Variants in EPS15L1 observed in about 807,000 individuals in gnomAD.
The protein encoded by EPS15L1 is epidermal growth factor receptor substrate 15-like 1.
In EPS15L1, 43 loss-of-function variants were observed where a neutral mutation model predicts 117.1. The observed-to-expected ratio is 0.37, with a 90% CI of 0.29 to 0.47. The LOEUF is 0.47. Among genes scored for constraint, EPS15L1 ranks in the 20% least tolerant of loss-of-function variants. The pLI, the probability that EPS15L1 is intolerant of heterozygous loss-of-function variation, is 0.99. For missense variants in EPS15L1, 981 were observed against 1,164.0 expected, an observed-to-expected ratio of 0.84 and a Z score of 2.29; for synonymous variants, 459 against 470.5, an observed-to-expected ratio of 0.98 and a Z score of 0.32.
At chr19:16,356,917 G>A (rs2091987083) in intron 23 of EPS15L1, 1 of 152,150 alleles carries the variant, frequency 6.6e-6, no homozygotes, top group Non-Finnish European at 1.5e-5. Context: ...GGGATTCAAA[G>A]GATTCCCTTA....
At chr19:16,362,958 G>C (rs978417077) in intron 22 of EPS15L1, among the ~76,000 whole-genome samples, 13 of 152,176 alleles carry the variant, frequency 8.5e-5, no homozygotes, top group Admixed American at 4.6e-4. Flanking sequence ...GGAGGTGAGA[G>C]AGAAGTGTTC....
chr19:16,413,768 C>A lies in EPS15L1; in HGVS notation c.1266+5G>T, dbSNP rs567668761. The A allele has an allele frequency of 3.0e-4, 487 of 1,613,236 alleles. 3 individuals carry two copies. In the South Asian group the frequency reaches 4.8e-3, roughly 16 times the overall value. ...AGATGTAACCAAAACGAACGAGACC[C>A]TTACCTGCACCTCGCTGGTTTTCTG... On this transcript the variant is annotated splice_donor_5th_base_variant and intron_variant, in intron 13 of 23. Coordinates refer to ENST00000455140, the MANE Select transcript of EPS15L1 (RefSeq NM_001258374.3).
chr19:16,364,123 A>G (rs2092099258), intron 22 of EPS15L1, among the ~76,000 whole-genome samples: 1 of 152,222 alleles, frequency 6.6e-6, no homozygotes, highest in Admixed American at 6.5e-5. Flanking sequence ...CCTGGGCTCT[A>G]TTAGGACTCA....
intron 8 of EPS15L1, among the ~76,000 whole-genome samples, chr19:16,426,128 T>C (rs1047369874): frequency 2.0e-5 from 3 of 152,148 alleles, no homozygotes; most frequent in Non-Finnish European, 2.9e-5. Context: ...ACCCACAACC[T>C]TGACCCACCT....
intron 22 of EPS15L1, among the ~76,000 whole-genome samples, chr19:16,366,800 G>C (rs1484393330): frequency 1.3e-5 from 2 of 152,156 alleles, no homozygotes; most frequent in Non-Finnish European, 2.9e-5. Flanking sequence ...CGGCATCACT[G>C]TAGGGCCACG....
intron 7 of EPS15L1, among the ~76,000 whole-genome samples, chr19:16,429,402 G>A (rs116875885): frequency 6.6e-6 from 1 of 152,216 alleles, no homozygotes. Context: ...ACGCTGGGCA[G>A]GCTGCCAGTC....
rs554718731 is a variant in EPS15L1, at chr19:16,392,553, C to T, written c.1967-113G>A. 1.0e-5 allele frequency: 11 copies of T among 1,060,016 alleles called. No individual in the cohort carries two copies. In the South Asian group the frequency reaches 1.1e-4, roughly 10 times the overall value. The allele number at this position is 1,060,016 out of a possible 1,614,324, so 65.7% of individuals were successfully genotyped here. A position where few individuals can be genotyped will look rare whatever the true frequency, so the allele number is the denominator to read the frequency against. On this transcript the variant is annotated intron_variant, in intron 18 of 23. Coordinates refer to ENST00000455140, the MANE Select transcript of EPS15L1 (RefSeq NM_001258374.3). Reference sequence around the variant, plus strand: ...ACATGAAATTCTAGAAAGGTAAGAACGCTAGTGACGGAAAACAGGATAATG... The same window carrying T: ...ACATGAAATTCTAGAAAGGTAAGAATGCTAGTGACGGAAAACAGGATAATG...
chr19:16,431,264 T>C (rs1379237832), intron 7 of EPS15L1, among the ~76,000 whole-genome samples: 1 of 150,158 alleles, frequency 6.7e-6, no homozygotes, highest in Non-Finnish European at 1.5e-5. Flanking sequence ...TTTTAATAAA[T>C]AAATAAATAA....
chr19:16,372,148 C>T (rs1193655314), intron 22 of EPS15L1, among the ~76,000 whole-genome samples: 1 of 152,170 alleles, frequency 6.6e-6, no homozygotes, highest in Admixed American at 6.5e-5. Flanking sequence ...TAGATGGAGA[C>T]AGAACTGAGT....
At position 16,361,748 on chromosome 19, in the gene EPS15L1, G is replaced by C. The variant is rs1296392322; in HGVS notation, c.2586+31C>G. ...GGGAAGCTGCAAGCGGAAGGGAGTG[G>C]GGTGGCCCGGAGGCGGAGGACTCAA... is the stretch of plus-strand genomic sequence containing the variant. On this transcript the variant is annotated intron_variant, in intron 23 of 23. Transcript: ENST00000455140. 4 of 1,597,452 alleles carry C rather than the reference G, an allele frequency of 2.5e-6. No homozygotes were observed. The South Asian group carries it at 4.5e-5, about 18-fold the overall frequency.
intron 21 of EPS15L1, among the ~76,000 whole-genome samples, chr19:16,380,524 T>C (rs140569601): frequency 1.9e-3 from 283 of 152,040 alleles, no homozygotes; most frequent in African/African-American, 6.2e-3. Context: ...CACGCAGCCA[T>C]CTAAGGCTCT....
intron 6 of EPS15L1, 60 bp from the exon 7 acceptor site, chr19:16,434,550 C>T (rs373332509): frequency 5.6e-5 from 87 of 1,559,798 alleles, no homozygotes; most frequent in East Asian, 2.0e-4. Flanking sequence ...ATGTCCAGAC[C>T]GAGCTCTGAC....
intron 17 of EPS15L1, among the ~76,000 whole-genome samples, chr19:16,395,048 C>G (rs2092524864): frequency 6.6e-6 from 1 of 151,892 alleles, no homozygotes; most frequent in Admixed American, 6.6e-5. Context: ...AGTGAAACCC[C>G]AACTCTACTA....
chr19:16,408,136 A>G (rs1422318946), intron 13 of EPS15L1, among the ~76,000 whole-genome samples: 1 of 152,108 alleles, frequency 6.6e-6, no homozygotes, highest in Non-Finnish European at 1.5e-5. Context: ...AACTGAAGGA[A>G]CCTGGACCTC....
At chr19:16,417,731 T>A in intron 11 of EPS15L1, 94 bp from the exon 12 acceptor site, 1 of 1,231,766 alleles carries the variant, frequency 8.1e-7, no homozygotes, top group Non-Finnish European at 1.2e-6. Flanking sequence ...GATAAAATTG[T>A]CCCTTTAGTA....
intron 16 of EPS15L1, chr19:16,401,160 CACGAGAA>C (rs765610984): frequency 1.0e-4 from 101 of 985,186 alleles, no homozygotes; most frequent in Non-Finnish European, 1.2e-4. Context: ...ATTACGAGTC[CACGAGAA>C]AAGAGAGTAT....
chr19:16,440,476 C>T (rs1002916777), intron 4 of EPS15L1, among the ~76,000 whole-genome samples: 6 of 152,030 alleles, frequency 3.9e-5, no homozygotes, highest in Non-Finnish European at 7.4e-5. Context: ...TGGCTCTGAT[C>T]ACTGTGCTGT....
chr19:16,377,097 C>A (rs1327993009), intron 22 of EPS15L1, 25 bp downstream of exon 22: 2 of 1,577,048 alleles, frequency 1.3e-6, no homozygotes, highest in Admixed American at 3.8e-5. Context: ...TAGGCGGTGG[C>A]TGCGAGAGAA....
At chr19:16,384,749 G>A (rs115562850) in intron 21 of EPS15L1, among the ~76,000 whole-genome samples, 2,264 of 152,310 alleles carry the variant, frequency 0.015, 51 homozygotes, top group African/African-American at 0.051. Flanking sequence ...CTGAACACTC[G>A]CTGGCCCACT....
Sources: allele counts gnomAD v4.1 joint callset (sites outside exome capture counted in the v4.1 genomes callset), GRCh38; gene constraint gnomAD v4.1.1; transcripts MANE v1.5; gene names NCBI Gene and HGNC (gene_info 2026-07-23, HGNC 2026-07-21).